Variants in GATAD1 observed in about 807,000 individuals in gnomAD.
The protein encoded by GATAD1 is GATA zinc finger domain containing 1.
A neutral mutation model predicts 26.5 loss-of-function variants in GATAD1; 12 were observed. That is an observed-to-expected ratio of 0.45 (90% CI 0.29 to 0.73). GATAD1 has a LOEUF of 0.73. Among genes scored for constraint, GATAD1 ranks in the 30% least tolerant of loss-of-function variants. GATAD1 has a pLI of 0.10. For synonymous variants in GATAD1, 129 were observed against 133.1 expected (o/e 0.97, Z 0.21); for missense variants, 266 against 342.1 (o/e 0.78, Z 1.75).
chr7:92,452,361 A>G (rs1789473907), intron 3 of GATAD1, among the ~76,000 whole-genome samples: 1 of 152,260 alleles, frequency 6.6e-6, no homozygotes. Context: ...CTATCACAGC[A>G]GTGCCACTGG....
chr7:92,459,592 A>G lies in GATAD1; in HGVS notation c.*3030A>G, dbSNP rs1253388191. ...GTCCTTGTTCATACTGTTCTCTCCAATTCTACCTTCCAAAGGCCTTTCTTA... is the reference window on the plus strand; with the variant it reads ...GTCCTTGTTCATACTGTTCTCTCCAGTTCTACCTTCCAAAGGCCTTTCTTA... On this transcript the variant is annotated 3_prime_UTR_variant, in exon 5 of 5. Transcript: ENST00000287957. 6.6e-6 allele frequency among the ~76,000 whole-genome samples: 1 copy of G among 152,072 alleles called. No individual in the cohort carries two copies. The highest frequency in any genetic ancestry group is 1.9e-4 in the East Asian group (1 of 5,186).
At chr7:92,484,051 G>A in the GATAD1 span, among the ~76,000 whole-genome samples, 2 of 152,142 alleles carry the variant, frequency 1.3e-5, no homozygotes, top group African/African-American at 2.4e-5. Flanking sequence ...ATGCCTGGAC[G>A]TCAGGCATCT....
At chr7:92,492,168 G>A in the GATAD1 span, among the ~76,000 whole-genome samples, 5 of 152,050 alleles carry the variant, frequency 3.3e-5, no homozygotes, top group African/African-American at 1.2e-4. Context: ...TTTTTTGGGG[G>A]CAGGGTCTCA....
chr7:92,470,433 G>T, the GATAD1 span: 1 of 638,364 alleles, frequency 1.6e-6, no homozygotes, highest in East Asian at 2.7e-5. Flanking sequence ...TGAAGAGCAG[G>T]CGCAAATCCT....
chr7:92,476,021 C>G, the GATAD1 span, among the ~76,000 whole-genome samples: 2 of 152,132 alleles, frequency 1.3e-5, no homozygotes, highest in African/African-American at 4.8e-5. Flanking sequence ...TACTGAATAC[C>G]CATTGTGGTT....
chr7:92,451,932 A>G (rs1585167943), intron 3 of GATAD1, among the ~76,000 whole-genome samples: 1 of 152,236 alleles, frequency 6.6e-6, no homozygotes, highest in South Asian at 2.1e-4. Flanking sequence ...AGCCTAGAGC[A>G]TAGTTCCTGG....
the GATAD1 span, chr7:92,487,644 G>A: frequency 1.4e-5 from 7 of 507,430 alleles, no homozygotes; most frequent in African/African-American, 4.0e-5. Flanking sequence ...GAAATGAACG[G>A]GAAATAACAA....
At chr7:92,479,081 T>C in the GATAD1 span, among the ~76,000 whole-genome samples, 1 of 152,176 alleles carries the variant, frequency 6.6e-6, no homozygotes, top group Non-Finnish European at 1.5e-5. Context: ...GGGGTTTCCT[T>C]CTCTCGGCTT....
chr7:92,491,208 G>A, the GATAD1 span: 4 of 1,150,248 alleles, frequency 3.5e-6, no homozygotes, highest in Non-Finnish European at 5.3e-6. Flanking sequence ...AGAAATCACT[G>A]CAACTTTACA....
At chr7:92,449,127 G>T (rs1789306552) in intron 2 of GATAD1, 1 of 1,167,202 alleles carries the variant, frequency 8.6e-7, no homozygotes, top group Non-Finnish European at 1.1e-6. Context: ...TAAAATATGG[G>T]TTTAAAAGAA....
chr7:92,489,896 A>G, the GATAD1 span: 11 of 1,613,872 alleles, frequency 6.8e-6, no homozygotes, highest in Non-Finnish European at 8.5e-6. Flanking sequence ...CTTGGTGCAG[A>G]GAGACATTGT....
chr7:92,495,373 C>T, the GATAD1 span, among the ~76,000 whole-genome samples: 1 of 152,064 alleles, frequency 6.6e-6, no homozygotes, highest in Admixed American at 6.6e-5. Flanking sequence ...AATATATCTT[C>T]TGGGGCCAAA....
At chr7:92,489,801 C>G in the GATAD1 span, 24 of 1,613,918 alleles carry the variant, frequency 1.5e-5, no homozygotes, top group Admixed American at 2.0e-4. Context: ...CTTGGCAACC[C>G]TCTTGTGAAG....
At chr7:92,493,822 G>T in the GATAD1 span, 1 of 189,632 alleles carries the variant, frequency 5.3e-6, no homozygotes, top group East Asian at 1.3e-4. Context: ...CTATTCATTT[G>T]TCTATCTGTT....
the GATAD1 span, chr7:92,489,304 A>T: frequency 5.5e-5 from 88 of 1,613,726 alleles, no homozygotes; most frequent in South Asian, 7.1e-4. Flanking sequence ...GCTCAGCAAA[A>T]TTCTTCCAGT....
In GATAD1 at chr7:92,456,873, AT is replaced by A; in HGVS notation, c.*312del. On this transcript the variant is annotated 3_prime_UTR_variant, in exon 5 of 5. Coordinates refer to ENST00000287957, the MANE Select transcript of GATAD1 (RefSeq NM_021167.5). Reference sequence around the variant, plus strand: ...GGGATAGGGCCAGGCACAGTGGCTTATGCCTGTAATTGCAGCACTTTTAGAG... The same window carrying A: ...GGGATAGGGCCAGGCACAGTGGCTTAGCCTGTAATTGCAGCACTTTTAGAG... 1 of 222,892 alleles carries A rather than the reference AT, an allele frequency of 4.5e-6. No individual in the cohort carries two copies. The highest frequency in any genetic ancestry group is 1.7e-4 in the South Asian group (1 of 5,758). The allele number at this position is 222,892 out of a possible 1,614,324, so 13.8% of individuals were successfully genotyped here. A position where few individuals can be genotyped will look rare whatever the true frequency, so the allele number is the denominator to read the frequency against.
the GATAD1 span, chr7:92,474,797 A>G: frequency 6.6e-6 from 1 of 152,182 alleles, no homozygotes; most frequent in South Asian, 2.1e-4. Context: ...AATTTACCTA[A>G]GTCTGTTTTT....
the GATAD1 span, among the ~76,000 whole-genome samples, chr7:92,475,994 A>G: frequency 6.6e-6 from 1 of 152,200 alleles, no homozygotes; most frequent in South Asian, 2.1e-4. Context: ...TGCTTCCACA[A>G]GAGTCCCCGT....
intron 1 of GATAD1, 45 bp from the exon 2 acceptor site, chr7:92,448,707 T>C: frequency 6.5e-7 from 1 of 1,544,820 alleles, no homozygotes; most frequent in Non-Finnish European, 8.9e-7. Flanking sequence ...TTTATGCACT[T>C]TTTACTTCTT....
Sources: allele counts gnomAD v4.1 joint callset (sites outside exome capture counted in the v4.1 genomes callset), GRCh38; gene constraint gnomAD v4.1.1; transcripts MANE v1.5; gene names NCBI Gene and HGNC (gene_info 2026-07-23, HGNC 2026-07-21).